TIA1: variants seen among roughly 807,000 people sequenced by gnomAD.
The protein encoded by TIA1 is TIA1 cytotoxic granule associated RNA binding protein.
In TIA1, 23 loss-of-function variants were observed where a neutral mutation model predicts 65.9. The observed-to-expected ratio is 0.35, with a 90% CI of 0.25 to 0.49. TIA1 has a LOEUF of 0.49. Among genes scored for constraint, TIA1 ranks in the 20% least tolerant of loss-of-function variants. The pLI is 0.98. For missense variants in TIA1, 371 were observed against 477.9 expected (o/e 0.78, Z 2.09); for synonymous variants, 147 against 149.4 (o/e 0.98, Z 0.12).
intron 11 of TIA1, chr2:70,215,107 T>TA (rs1282109474): frequency 2.6e-6 from 1 of 384,628 alleles, no homozygotes; most frequent in East Asian, 5.8e-5. Flanking sequence ...TACCAAGTAT[T>TA]AAAAAAAGAT....
chr2:70,244,551 T>C (rs993822265), intron 1 of TIA1, among the ~76,000 whole-genome samples: 2 of 152,114 alleles, frequency 1.3e-5, no homozygotes, highest in African/African-American at 4.8e-5. Context: ...TTCAATCTAA[T>C]CTTTAAAATA....
chr2:70,217,745 A>G (rs1436948061), intron 7 of TIA1, among the ~76,000 whole-genome samples: 2 of 152,052 alleles, frequency 1.3e-5, no homozygotes, highest in Admixed American at 1.3e-4. Flanking sequence ...TCAGCTTCCC[A>G]AAGTGCTAGG....
intron 1 of TIA1, among the ~76,000 whole-genome samples, chr2:70,236,966 C>T (rs1358930680): frequency 6.6e-6 from 1 of 152,138 alleles, no homozygotes; most frequent in East Asian, 1.9e-4. Flanking sequence ...GCTTATTCTC[C>T]ATCGGTTTCT....
chr2:70,242,990 T>C lies in TIA1; in HGVS notation c.26+5415A>G, dbSNP rs1692594792. On this transcript the variant is annotated intron_variant, in intron 1 of 12. Coordinates refer to ENST00000433529, the MANE Select transcript of TIA1 (RefSeq NM_022173.4). ...ACATTGCAATATCATTGCAGTGATA[T>C]TTATTGCTCTATAAATATCTGTTAA... is the stretch of plus-strand genomic sequence containing the variant. Among the ~76,000 whole-genome samples, 3 of 152,328 alleles carry C rather than the reference T, an allele frequency of 2.0e-5. No homozygotes were observed. In the South Asian group the frequency reaches 6.2e-4, roughly 32 times the overall value.
intron 1 of TIA1, among the ~76,000 whole-genome samples, chr2:70,237,780 T>C (rs1689668599): frequency 1.3e-5 from 2 of 150,522 alleles, no homozygotes; most frequent in South Asian, 2.1e-4. Context: ...GCATGAGAAT[T>C]GCTTGAACCC....
chr2:70,225,355 A>T, intron 6 of TIA1: 4 of 1,288,412 alleles, frequency 3.1e-6, no homozygotes, highest in Non-Finnish European at 4.0e-6. Flanking sequence ...CGTAGCTTGT[A>T]GTTAGCCAGG....
At chr2:70,220,200 G>A (rs1680651616) in intron 7 of TIA1, among the ~76,000 whole-genome samples, 1 of 152,038 alleles carries the variant, frequency 6.6e-6, no homozygotes, top group Non-Finnish European at 1.5e-5. Flanking sequence ...ATGAGCCCAG[G>A]AGTTCGAGAC....
chr2:70,220,089 C>T (rs1680582652), intron 7 of TIA1, among the ~76,000 whole-genome samples: 1 of 151,994 alleles, frequency 6.6e-6, no homozygotes, highest in Admixed American at 6.6e-5. Flanking sequence ...AGGTGGGCCC[C>T]AAATCCAATG....
intron 1 of TIA1, among the ~76,000 whole-genome samples, chr2:70,237,869 A>G (rs1558924667): frequency 6.7e-6 from 1 of 149,292 alleles, no homozygotes; most frequent in Non-Finnish European, 1.5e-5. Context: ...GTCTTTAAAA[A>G]GAAAAAAAAA....
chr2:70,239,399 G>C (rs1298829113), intron 1 of TIA1, among the ~76,000 whole-genome samples: 1 of 151,988 alleles, frequency 6.6e-6, no homozygotes, highest in Non-Finnish European at 1.5e-5. Flanking sequence ...GCCAATAAAG[G>C]GTTTATAAAT....
intron 2 of TIA1, among the ~76,000 whole-genome samples, chr2:70,235,793 G>C (rs192892208): frequency 3.8e-4 from 58 of 152,156 alleles, no homozygotes; most frequent in African/African-American, 1.3e-3. Flanking sequence ...ACCTGAAAGA[G>C]CCCATATATA....
intron 1 of TIA1, among the ~76,000 whole-genome samples, chr2:70,242,416 C>T (rs1692249879): frequency 7.3e-6 from 1 of 136,556 alleles, no homozygotes; most frequent in African/African-American, 2.7e-5. Context: ...AGAGAATCAC[C>T]TGAACCCGGG....
chr2:70,212,668 C>T lies in TIA1; in HGVS notation c.*51G>A. The T allele has an allele frequency of 8.9e-7, 1 of 1,127,414 alleles. No individual in the cohort carries two copies. Among genetic ancestry groups the T allele is most frequent in the Non-Finnish European group, 1.4e-6 (1 of 736,250 alleles). 69.8% of individuals were successfully genotyped at this position (1,127,414 alleles called of 1,614,324 possible). A position where few individuals can be genotyped will look rare whatever the true frequency, so the allele number is the denominator to read the frequency against. ...AATCTTTAAGTAAACAACGGCTTTACTACACTCCCTGTAGCCTCAAGCCAC... is the reference window on the plus strand; with the variant it reads ...AATCTTTAAGTAAACAACGGCTTTATTACACTCCCTGTAGCCTCAAGCCAC... On this transcript the variant is annotated 3_prime_UTR_variant, in exon 13 of 13. Coordinates refer to ENST00000433529, the MANE Select transcript of TIA1 (RefSeq NM_022173.4).
rs746887914 is a variant in TIA1, at chr2:70,212,819, A to T, written c.1061T>A (p.Met354Lys). The change falls in exon 13 of 13, where the codon ATG becomes AAG. Residue 354 changes from methionine to lysine, a missense_variant. Transcript: ENST00000433529. ...FNQTQSSAPW[M>K]GPNYGVQPPQ... is the part of the protein sequence containing the mutation. ...CGGTTGCACTCCATAATTTGGTCCC[A>T]TCCATGGTGCAGAAGACTGTGTCTG... 3 of 1,614,066 alleles carry T rather than the reference A, an allele frequency of 1.9e-6. 1 individual carries two copies. The South Asian group carries it at 3.3e-5, about 18-fold the overall frequency.
intron 3 of TIA1, 120 bp downstream of exon 3, chr2:70,230,636 G>C: frequency 2.8e-6 from 2 of 712,280 alleles, no homozygotes; most frequent in Non-Finnish European, 4.4e-6. Context: ...TGGGCAACAA[G>C]GGCAAAATTT....
intron 6 of TIA1, among the ~76,000 whole-genome samples, chr2:70,226,388 T>G (rs1683826051): frequency 6.6e-6 from 1 of 152,150 alleles, no homozygotes; most frequent in Non-Finnish European, 1.5e-5. Context: ...ATCAAAGCAT[T>G]TAATAAAATA....
chr2:70,216,078 G>T, intron 10 of TIA1, 130 bp downstream of exon 10: 1 of 915,728 alleles, frequency 1.1e-6, no homozygotes, highest in Non-Finnish European at 1.6e-6. Flanking sequence ...TATAACCAAG[G>T]TAAATTTTTA....
At chr2:70,244,887 T>C (rs1693606746) in intron 1 of TIA1, among the ~76,000 whole-genome samples, 1 of 151,492 alleles carries the variant, frequency 6.6e-6, no homozygotes, top group Non-Finnish European at 1.5e-5. Flanking sequence ...ACAAGAGATT[T>C]TATTTCATAC....
rs112174771 is a variant in TIA1 at position 70,248,279 on chromosome 2, T to C, written c.26+126A>G. ...TGGTTGTAAGCATCCAGGTGCATGC[T>C]AAGGAAACAAAAACCACGATATCGC... is the stretch of plus-strand genomic sequence containing the variant. On this transcript the variant is annotated intron_variant, in intron 1 of 12. Transcript: ENST00000433529. The C allele has an allele frequency of 2.7e-5, 31 of 1,144,912 alleles. 1 individual carries two copies. In the South Asian group the frequency reaches 3.7e-4, roughly 14 times the overall value. 70.9% of individuals were successfully genotyped at this position (1,144,912 alleles called of 1,614,324 possible).
Sources: gnomAD v4.1 joint callset for allele counts (sites outside exome capture counted in the v4.1 genomes callset) on GRCh38, gnomAD v4.1.1 for gene constraint, MANE v1.5 for transcripts, NCBI Gene and HGNC (gene_info 2026-07-23, HGNC 2026-07-21) for gene names.